The following FBXL7 variants were observed in gnomAD, a reference collection of about 807,000 sequenced individuals.
FBXL7 encodes the protein F-box/LRR-repeat protein 7.
A neutral mutation model predicts 38.3 loss-of-function variants in FBXL7; 12 were observed. The observed-to-expected ratio is 0.31, with a 90% CI of 0.20 to 0.51. The LOEUF (loss-of-function observed/expected upper bound fraction) is 0.51, where lower values mean the gene tolerates loss of function less well. FBXL7 is among the 20% of genes least tolerant of loss of function. The pLI is 0.98. For synonymous variants in FBXL7, 297 were observed against 300.9 expected (o/e 0.99, Z 0.13); for missense variants, 567 against 676.4 (o/e 0.84, Z 1.79).
At chr5:15,612,572 A>C (rs1023090293) in intron 1 of FBXL7, among the ~76,000 whole-genome samples, 6 of 152,150 alleles carry the variant, frequency 3.9e-5, no homozygotes, top group Non-Finnish European at 7.3e-5. Context: ...AATAATGAAT[A>C]ACTGTGTACT....
intron 1 of FBXL7, among the ~76,000 whole-genome samples, chr5:15,596,880 G>A (rs750809967): frequency 9.2e-5 from 14 of 152,144 alleles, no homozygotes; most frequent in Non-Finnish European, 1.8e-4. Flanking sequence ...CACATACCTC[G>A]CCCTGTGCAT....
In FBXL7 at chr5:15,917,686, GAAGGAAGGAAGAAAGA is replaced by G. The variant is rs1448078886; in HGVS notation, c.128-10192_128-10177del. 1.6e-3 allele frequency among the ~76,000 whole-genome samples: 237 copies of G among 148,440 alleles called. 1 individual carries two copies. Among genetic ancestry groups the G allele is most frequent in the African/African-American group, 5.3e-3 (207 of 39,290 alleles). On this transcript the variant is annotated intron_variant, in intron 2 of 3. Coordinates refer to ENST00000504595, the MANE Select transcript of FBXL7 (RefSeq NM_012304.5). ...GGAAGGAAGGAAGGAAGGAAGGAAGGAAGGAAGGAAGAAAGAAAGGAAGGAAGGAAGGACGATGCTA... is the reference window on the plus strand; with the variant it reads ...GGAAGGAAGGAAGGAAGGAAGGAAGGAAGGAAGGAAGGAAGGACGATGCTA...
At chr5:15,582,982 T>G (rs1739190735) in intron 1 of FBXL7, among the ~76,000 whole-genome samples, 1 of 151,614 alleles carries the variant, frequency 6.6e-6, no homozygotes, top group South Asian at 2.1e-4. Flanking sequence ...ATTTTCATAC[T>G]GCTATAAAGA....
intron 2 of FBXL7, among the ~76,000 whole-genome samples, chr5:15,785,490 T>C (rs1737109891): frequency 6.6e-6 from 1 of 152,234 alleles, no homozygotes; most frequent in Non-Finnish European, 1.5e-5. Flanking sequence ...AAGTGTTTTA[T>C]ACACGGAAGA....
intron 1 of FBXL7, among the ~76,000 whole-genome samples, chr5:15,584,579 G>A (rs1199408353): frequency 6.6e-6 from 1 of 152,118 alleles, no homozygotes; most frequent in South Asian, 2.1e-4. Flanking sequence ...CAGCATTTTG[G>A]TCAAAACCAT....
chr5:15,918,803 C>T (rs1741667427), intron 2 of FBXL7, among the ~76,000 whole-genome samples: 1 of 152,234 alleles, frequency 6.6e-6, no homozygotes, highest in Admixed American at 6.5e-5. Flanking sequence ...CTGCCATCGT[C>T]TGATCCTGGG....
At chr5:15,502,017 T>C (rs755363553) in intron 1 of FBXL7, among the ~76,000 whole-genome samples, 1 of 152,016 alleles carries the variant, frequency 6.6e-6, no homozygotes. Flanking sequence ...AAAAGATTAT[T>C]GGAGAATCTG....
At chr5:15,584,582 A>G (rs1253409691) in intron 1 of FBXL7, among the ~76,000 whole-genome samples, 2 of 152,226 alleles carry the variant, frequency 1.3e-5, no homozygotes, top group African/African-American at 4.8e-5. Context: ...CATTTTGGTC[A>G]AAACCATTCA....
rs183058751 is a variant in FBXL7, at chr5:15,698,754, A to G, written c.127+82682A>G. ...TTAAAAAAGAATTTGGACTGTAAGT[A>G]TAGAACAATTTTCCATAACAAAGGT... On this transcript the variant is annotated intron_variant, in intron 2 of 3. Coordinates refer to ENST00000504595, the MANE Select transcript of FBXL7 (RefSeq NM_012304.5). Among the ~76,000 whole-genome samples, 78 of 152,362 alleles carry G rather than the reference A, an allele frequency of 5.1e-4. 1 individual carries two copies. The highest frequency in any genetic ancestry group is 9.4e-4 in the Non-Finnish European group (64 of 68,034).
chr5:15,695,813 A>C (rs1743316264), intron 2 of FBXL7, among the ~76,000 whole-genome samples: 1 of 152,202 alleles, frequency 6.6e-6, no homozygotes, highest in Non-Finnish European at 1.5e-5. Flanking sequence ...CTGAATCCAG[A>C]GATCAAGCTT....
intron 1 of FBXL7, among the ~76,000 whole-genome samples, chr5:15,556,122 C>T (rs924173883): frequency 3.3e-5 from 5 of 151,594 alleles, no homozygotes; most frequent in Admixed American, 2.0e-4. Context: ...TATATTGATC[C>T]ATCAATTGAC....
At chr5:15,661,833 C>T (rs550665242) in intron 2 of FBXL7, among the ~76,000 whole-genome samples, 102 of 152,312 alleles carry the variant, frequency 6.7e-4, no homozygotes, top group South Asian at 1.4e-3. Context: ...ATGCCTCCAC[C>T]TCCATCCATG....
At chr5:15,781,019 C>T (rs1209955835) in intron 2 of FBXL7, among the ~76,000 whole-genome samples, 2 of 152,110 alleles carry the variant, frequency 1.3e-5, no homozygotes, top group Non-Finnish European at 2.9e-5. Context: ...CTTGGCCAGT[C>T]GCTATTTCTA....
chr5:15,726,953 T>A (rs1452214079), intron 2 of FBXL7, among the ~76,000 whole-genome samples: 1 of 152,134 alleles, frequency 6.6e-6, no homozygotes, highest in Non-Finnish European at 1.5e-5. Context: ...TTTTTTGTGG[T>A]GTAATGTTTA....
chr5:15,535,495 A>G (rs532160931), intron 1 of FBXL7, among the ~76,000 whole-genome samples: 1 of 152,346 alleles, frequency 6.6e-6, no homozygotes, highest in Admixed American at 6.5e-5. Flanking sequence ...GAACTGGAGT[A>G]AAGGTCATTC....
intron 2 of FBXL7, among the ~76,000 whole-genome samples, chr5:15,713,206 G>T (rs1320896562): frequency 6.6e-6 from 1 of 152,192 alleles, no homozygotes; most frequent in Admixed American, 6.5e-5. Context: ...ATCTTACATG[G>T]CAGCAGGCAA....
chr5:15,691,843 G>A (rs1457496687), intron 2 of FBXL7, among the ~76,000 whole-genome samples: 1 of 152,178 alleles, frequency 6.6e-6, no homozygotes, highest in African/African-American at 2.4e-5. Flanking sequence ...AGTCTGGAAA[G>A]TCAATGGTAC....
At chr5:15,704,709 G>A (rs1202939908) in intron 2 of FBXL7, among the ~76,000 whole-genome samples, 1 of 152,104 alleles carries the variant, frequency 6.6e-6, no homozygotes, top group Non-Finnish European at 1.5e-5. Context: ...AATCCAGAAT[G>A]CTCTTTGTCA....
At position 15,927,067 on chromosome 5, in the gene FBXL7, G is replaced by C. The variant is rs374900065; in HGVS notation, c.128-823G>C. Among the ~76,000 whole-genome samples the C allele has an allele frequency of 4.4e-4, 67 of 151,912 alleles. 1 individual carries two copies. In the South Asian group the frequency reaches 0.013, roughly 30 times the overall value. ...TGAAACTTTGAAGTTGTGCCCTACCGTAATCCCCGTTCATGTAGACTGGAA... is the reference window on the plus strand; with the variant it reads ...TGAAACTTTGAAGTTGTGCCCTACCCTAATCCCCGTTCATGTAGACTGGAA... On this transcript the variant is annotated intron_variant, in intron 2 of 3. Transcript: ENST00000504595.
Sources: allele counts gnomAD v4.1 joint callset (sites outside exome capture counted in the v4.1 genomes callset), GRCh38; gene constraint gnomAD v4.1.1; transcripts MANE v1.5; gene names NCBI Gene and HGNC (gene_info 2026-07-23, HGNC 2026-07-21).